Variants in NFRKB observed in about 807,000 individuals in gnomAD.
NFRKB encodes the protein nuclear factor related to kappa-B-binding protein.
In NFRKB, 62 loss-of-function variants were observed where a neutral mutation model predicts 135.7. The ratio of observed to expected loss-of-function variants is 0.46; its 90% CI spans 0.37 to 0.56. The LOEUF (loss-of-function observed/expected upper bound fraction) is 0.56, where lower values mean the gene tolerates loss of function less well. NFRKB is among the 20% of genes least tolerant of loss of function. The probability of loss-of-function intolerance (pLI) is 0.00; values close to 1 mark genes in which losing one functional copy is unlikely to be tolerated. For synonymous variants in NFRKB, 678 were observed against 635.6 expected (o/e 1.07, Z -1.00); for missense variants, 1,545 against 1,662.0 (o/e 0.93, Z 1.22).
intron 4 of NFRKB, 84 bp downstream of exon 4, chr11:129,888,510 G>C: frequency 7.6e-7 from 1 of 1,312,212 alleles, no homozygotes. Flanking sequence ...ATAAAAAGAA[G>C]AAAAGGAAGA....
chr11:129,879,235 C>A (rs1295858284), intron 13 of NFRKB, among the ~76,000 whole-genome samples: 1 of 152,188 alleles, frequency 6.6e-6, no homozygotes, highest in African/African-American at 2.4e-5. Context: ...CCTTTGTTTT[C>A]ATGGTCAATA....
chr11:129,871,563 G>A (rs770322413), intron 23 of NFRKB, among the ~76,000 whole-genome samples: 3 of 152,008 alleles, frequency 2.0e-5, no homozygotes, highest in Non-Finnish European at 2.9e-5. Flanking sequence ...GCCATGGATG[G>A]GGTAAGTCTC....
chr11:129,890,947 T>C (rs1346472324), intron 3 of NFRKB, among the ~76,000 whole-genome samples: 1 of 152,268 alleles, frequency 6.6e-6, no homozygotes, highest in Non-Finnish European at 1.5e-5. Flanking sequence ...TTATTTATTT[T>C]CTATTAGTAA....
rs771608101 is a variant in NFRKB, at chr11:129,870,271, G to T, written c.2764-10C>A. On this transcript the variant is annotated splice_polypyrimidine_tract_variant and intron_variant, in intron 23 of 26. Transcript: ENST00000682444. ...GCCCAGTGATTGCCACCTGAATGGG[G>T]AGAAGCAGCACTGATGAGGGATTCA... 6.2e-7 allele frequency: 1 copy of T among 1,610,090 alleles called. No homozygotes were observed. Among genetic ancestry groups the T allele is most frequent in the Non-Finnish European group, 8.5e-7 (1 of 1,176,956 alleles).
chr11:129,888,185 T>G (rs1055426020), intron 4 of NFRKB: 1 of 486,040 alleles, frequency 2.1e-6, no homozygotes, highest in African/African-American at 2.0e-5. Flanking sequence ...GGCAGTGAAG[T>G]GTCATATTTT....
Position 129,864,866 on chromosome 11 carries a change from G to C in NFRKB, c.3775-16C>G, listed in dbSNP as rs747967267. On this transcript the variant is annotated splice_polypyrimidine_tract_variant and intron_variant, in intron 26 of 26. Transcript: ENST00000682444. ...GGATGCGCACCTGTTTGCAAAGACAGAAGGTCAGGTCAATGGATTGCAAGC... is the reference window on the plus strand; with the variant it reads ...GGATGCGCACCTGTTTGCAAAGACACAAGGTCAGGTCAATGGATTGCAAGC... 2 of 1,614,254 alleles carry C rather than the reference G, an allele frequency of 1.2e-6. No homozygotes were observed. Among genetic ancestry groups the C allele is most frequent in the African/African-American group, 2.7e-5 (2 of 75,072 alleles).
intron 23 of NFRKB, 24 bp downstream of exon 23, chr11:129,872,860 C>T: frequency 6.4e-7 from 1 of 1,566,972 alleles, no homozygotes; most frequent in Non-Finnish European, 8.7e-7. Flanking sequence ...GGATTGAGAT[C>T]CACGTGGAAA....
intron 14 of NFRKB, 49 bp from the exon 15 acceptor site, chr11:129,878,404 C>T: frequency 1.2e-6 from 2 of 1,613,108 alleles, no homozygotes; most frequent in Non-Finnish European, 1.7e-6. Context: ...AGAATTTGGG[C>T]AAACTTAAGA....
intron 4 of NFRKB, among the ~76,000 whole-genome samples, chr11:129,887,723 T>C (rs568063149): frequency 1.5e-4 from 23 of 152,270 alleles, no homozygotes; most frequent in South Asian, 4.1e-4. Flanking sequence ...CTAAAGGACA[T>C]TGCAGGAACA....
rs778812858 is a variant in NFRKB, at chr11:129,883,145, G to A, written c.878C>T (p.Ala293Val). Residue 293 changes from alanine (A) to valine (V), a missense_variant, in exon 9 of 27, where the codon GCT (alanine) becomes GTT (valine). Ala to Val is a moderately conservative substitution (Grantham distance 64). Coordinates refer to ENST00000682444, the MANE Select transcript of NFRKB (RefSeq NM_001143835.2). ...TLNDIMTRVNAGRKGSLAALY... is the reference protein window; with the variant it reads ...TLNDIMTRVNVGRKGSLAALY... ...ACCTGCCAGAGAGCCCTTCCTGCCA[G>A]CATTTACTCGAGTCATGATGTCATT... is the stretch of plus-strand genomic sequence containing the variant. 35 of 1,614,070 alleles carry A rather than the reference G, an allele frequency of 2.2e-5. No individual in the cohort carries two copies. Among genetic ancestry groups the A allele is most frequent in the Non-Finnish European group, 2.7e-5 (32 of 1,180,004 alleles).
intron 8 of NFRKB, among the ~76,000 whole-genome samples, chr11:129,883,727 G>A (rs533013325): frequency 6.6e-6 from 1 of 152,314 alleles, no homozygotes; most frequent in South Asian, 2.1e-4. Flanking sequence ...ACAGTAAAAA[G>A]TGGGACAAAC....
Position 129,888,706 on chromosome 11 carries a change from G to T in NFRKB, c.225C>A (p.Pro75=). The change falls in exon 4 of 27, where the codon CCC becomes CCA. Residue 75 remains proline (P), a synonymous_variant. Coordinates refer to ENST00000682444, the MANE Select transcript of NFRKB (RefSeq NM_001143835.2). ...GCTCAGCACTGTCTTCAGGAAACTG[G>T]GGCAGAAACTGCTGGAGGTGTTCAC... ...SQREHLQQFL[P]QFPEDSAEQQ... The T allele has an allele frequency of 6.2e-7, 1 of 1,614,122 alleles. No individual in the cohort carries two copies. Among genetic ancestry groups the T allele is most frequent in the South Asian group, 1.1e-5 (1 of 91,084 alleles).
chr11:129,886,003 T>C (rs1949259857), intron 5 of NFRKB, among the ~76,000 whole-genome samples: 2 of 152,170 alleles, frequency 1.3e-5, no homozygotes, highest in Admixed American at 6.5e-5. Context: ...CACTTTCATA[T>C]CCATTCCAAG....
chr11:129,884,612 C>A, intron 7 of NFRKB, 133 bp downstream of exon 7: 1 of 1,036,552 alleles, frequency 9.6e-7, no homozygotes, highest in Non-Finnish European at 1.4e-6. Flanking sequence ...CTTTGCCAAA[C>A]AAATCACCTA....
chr11:129,876,676 C>A, intron 17 of NFRKB, 45 bp downstream of exon 17: 2 of 1,546,378 alleles, frequency 1.3e-6, no homozygotes, highest in Non-Finnish European at 1.8e-6. Flanking sequence ...AGAAAAGCTG[C>A]GGGGTGAAGA....
rs752740430 is a variant in NFRKB, at chr11:129,885,583, A to G, written c.492T>C (p.Ser164=). 2.0e-5 allele frequency: 32 copies of G among 1,611,974 alleles called. No homozygotes were observed. Among genetic ancestry groups the G allele is most frequent in the East Asian group, 6.7e-5 (3 of 44,804 alleles). ...TCTGCCGGAAGGGAAGGGCGGGGCC[A>G]CTCCGCCGGGCCATCTCCAGCAGAT... ...RSDLLEMARR[S]GPALPFRQKR... is the part of the protein sequence containing the mutation. The change falls in exon 6 of 27, where the codon AGT becomes AGC. Residue 164 remains serine (S), a synonymous_variant. Coordinates refer to ENST00000682444, the MANE Select transcript of NFRKB (RefSeq NM_001143835.2).
chr11:129,891,203 A>T (rs1949545029), intron 3 of NFRKB, among the ~76,000 whole-genome samples: 1 of 152,158 alleles, frequency 6.6e-6, no homozygotes, highest in Non-Finnish European at 1.5e-5. Context: ...GCCATGACTG[A>T]AAAAAGCCAG....
rs1948393212 is a variant in NFRKB at position 129,869,602 on chromosome 11, A to G, written c.3423T>C (p.Thr1141=). The G allele has an allele frequency of 6.8e-6, 11 of 1,614,220 alleles. No individual in the cohort carries two copies. The East Asian group carries it at 2.5e-4, about 36-fold the overall frequency. ...LPSMNAAVSK[T]VAVASGAAST... ...TTGCAGCCCCAGAAGCCACAGCTAC[A>G]GTCTTGGACACAGCAGCATTCATAC... The change falls in exon 24 of 27, where the codon ACT becomes ACC. Residue 1141 remains threonine, a synonymous_variant. Coordinates refer to ENST00000682444, the MANE Select transcript of NFRKB (RefSeq NM_001143835.2).
intron 23 of NFRKB, among the ~76,000 whole-genome samples, chr11:129,870,971 A>T (rs1948471286): frequency 6.6e-6 from 1 of 152,196 alleles, no homozygotes; most frequent in African/African-American, 2.4e-5. Context: ...CTTCAGAAGC[A>T]AAATTCCTCT....
Sources: allele counts gnomAD v4.1 joint callset (sites outside exome capture counted in the v4.1 genomes callset), GRCh38; gene constraint gnomAD v4.1.1; transcripts MANE v1.5; gene names NCBI Gene and HGNC (gene_info 2026-07-23, HGNC 2026-07-21).